The following DAAM1 variants were observed in gnomAD, a reference collection of about 807,000 sequenced individuals.
DAAM1 encodes the protein disheveled-associated activator of morphogenesis 1.
In DAAM1, 52 loss-of-function variants were observed where a neutral mutation model predicts 130.0. That is an observed-to-expected ratio of 0.40 (90% confidence interval 0.32 to 0.50). DAAM1 has a LOEUF of 0.50. Among genes scored for constraint, DAAM1 ranks in the 20% least tolerant of loss-of-function variants. The pLI is 0.61. For synonymous variants in DAAM1, 452 were observed against 444.5 expected, an observed-to-expected ratio of 1.02 and a Z score of -0.21; for missense variants, 1,134 against 1,303.8, an observed-to-expected ratio of 0.87 and a Z score of 2.01.
chr14:59,344,360 T>C (rs1885982045), intron 16 of DAAM1, among the ~76,000 whole-genome samples: 1 of 152,250 alleles, frequency 6.6e-6, no homozygotes, highest in African/African-American at 2.4e-5. Flanking sequence ...TTTTGAATAC[T>C]GTTTTAAGAT....
At chr14:59,327,402 C>CTGTTTTTTTTTTTTTTTTTTTTTTT in intron 12 of DAAM1, among the ~76,000 whole-genome samples, 1 of 58,988 alleles carries the variant, frequency 1.7e-5, no homozygotes, top group African/African-American at 7.7e-5. Flanking sequence ...CACTTGGTTT[C>CTGTTTTTTTTTTTTTTTTTTTTTTT]TTTTTTTTTT....
chr14:59,364,461 C>CTCTA (rs918485869), intron 23 of DAAM1, among the ~76,000 whole-genome samples: 2 of 152,232 alleles, frequency 1.3e-5, no homozygotes, highest in South Asian at 2.1e-4. Flanking sequence ...CCTCACTCCT[C>CTCTA]TCTATCTCAG....
intron 1 of DAAM1, among the ~76,000 whole-genome samples, chr14:59,215,797 T>C (rs1349732498): frequency 1.3e-5 from 2 of 152,172 alleles, no homozygotes; most frequent in Non-Finnish European, 2.9e-5. Context: ...TTACATAAAT[T>C]GATAACTCCA....
chr14:59,328,234 T>C (rs1885283889), intron 12 of DAAM1, among the ~76,000 whole-genome samples: 1 of 152,234 alleles, frequency 6.6e-6, no homozygotes, highest in South Asian at 2.1e-4. Flanking sequence ...ACTACTGTTA[T>C]GTTACGAGTT....
At chr14:59,238,969 A>G (rs1889393988) in intron 1 of DAAM1, among the ~76,000 whole-genome samples, 1 of 152,204 alleles carries the variant, frequency 6.6e-6, no homozygotes, top group Admixed American at 6.5e-5. Context: ...AATATCGAAA[A>G]AAGGACAGCA....
intron 1 of DAAM1, among the ~76,000 whole-genome samples, chr14:59,201,385 G>T (rs1358393162): frequency 1.3e-5 from 2 of 152,112 alleles, no homozygotes; most frequent in Non-Finnish European, 2.9e-5. Flanking sequence ...TAACTTGGGA[G>T]GCTGAGGTGG....
At chr14:59,220,251 T>G (rs554132761) in intron 1 of DAAM1, among the ~76,000 whole-genome samples, 7 of 152,222 alleles carry the variant, frequency 4.6e-5, no homozygotes, top group African/African-American at 1.7e-4. Flanking sequence ...TAATTAAACT[T>G]TAAGCTCCTA....
chr14:59,219,511 T>C (rs1888702603), intron 1 of DAAM1, among the ~76,000 whole-genome samples: 1 of 152,206 alleles, frequency 6.6e-6, no homozygotes, highest in Non-Finnish European at 1.5e-5. Context: ...TTCTTTCCTT[T>C]ATATTATTTA....
chr14:59,364,213 A>G (rs1253036), intron 23 of DAAM1, among the ~76,000 whole-genome samples: 44,717 of 152,132 alleles, frequency 0.29, 7,637 homozygotes, highest in Middle Eastern at 0.48. Context: ...AATTACCTCT[A>G]TGTTGTAATA....
At chr14:59,332,734 G>A (rs574611677) in intron 15 of DAAM1, among the ~76,000 whole-genome samples, 18 of 152,318 alleles carry the variant, frequency 1.2e-4, no homozygotes, top group African/African-American at 4.1e-4. Flanking sequence ...AAAAGGTGGA[G>A]TAGGATCCCA....
Position 59,363,791 on chromosome 14 carries a change from C to T in DAAM1, c.2826+9C>T. ...CAGAAGCTAAAGACCTGGTAAGTTTCCCCCTTGTGCACTGAGTGTTGTTTG... is the reference window on the plus strand; with the variant it reads ...CAGAAGCTAAAGACCTGGTAAGTTTTCCCCTTGTGCACTGAGTGTTGTTTG... On this transcript the variant is annotated intron_variant, in intron 23 of 24. Transcript: ENST00000360909. The T allele has an allele frequency of 6.2e-7, 1 of 1,613,064 alleles. No homozygotes were observed.
chr14:59,207,605 C>T (rs1480389553), intron 1 of DAAM1, among the ~76,000 whole-genome samples: 3 of 152,208 alleles, frequency 2.0e-5, no homozygotes, highest in African/African-American at 7.2e-5. Flanking sequence ...AAATTCTACT[C>T]TATGCTTGTT....
intron 15 of DAAM1, among the ~76,000 whole-genome samples, chr14:59,336,836 ATATGTGTCAGATACC>A (rs746652576): frequency 2.1e-4 from 32 of 152,218 alleles, no homozygotes; most frequent in Non-Finnish European, 4.4e-4. Context: ...GAGCTCATAC[ATATGTGTCAGATACC>A]TATGTGTCAG....
chr14:59,205,882 G>A (rs1594756380), intron 1 of DAAM1, among the ~76,000 whole-genome samples: 2 of 152,168 alleles, frequency 1.3e-5, no homozygotes, highest in South Asian at 2.1e-4. Context: ...TTTCTGTAAA[G>A]GTTCGGGTGG....
At chr14:59,350,865 T>A (rs1886265402) in intron 17 of DAAM1, among the ~76,000 whole-genome samples, 1 of 152,160 alleles carries the variant, frequency 6.6e-6, no homozygotes. Flanking sequence ...TTTTTTTCTC[T>A]TGATGGCACC....
At position 59,276,192 on chromosome 14, in the gene DAAM1, A is replaced by C. The variant is rs113256840; in HGVS notation, c.183+12532A>C. Among the ~76,000 whole-genome samples the C allele has an allele frequency of 2.0e-5, 3 of 152,352 alleles. 1 individual carries two copies. The highest frequency in any genetic ancestry group is 7.2e-5 in the African/African-American group (3 of 41,588). On this transcript the variant is annotated intron_variant, in intron 2 of 24. Coordinates refer to ENST00000360909, the MANE Select transcript of DAAM1 (RefSeq NM_001270520.2). Reference sequence around the variant, plus strand: ...TTCTTTGGCAATTCATGATTCCCAGATGAGATGGTCATTTGCTGTAATGGG... The same window carrying C: ...TTCTTTGGCAATTCATGATTCCCAGCTGAGATGGTCATTTGCTGTAATGGG...
At chr14:59,269,535 T>C (rs1480599384) in intron 2 of DAAM1, among the ~76,000 whole-genome samples, 3 of 152,304 alleles carry the variant, frequency 2.0e-5, no homozygotes, top group Non-Finnish European at 2.9e-5. Context: ...CCGATGAAAG[T>C]TGGGTTCTCC....
intron 12 of DAAM1, 34 bp from the exon 13 acceptor site, chr14:59,330,467 T>G: frequency 6.5e-7 from 1 of 1,537,416 alleles, no homozygotes; most frequent in South Asian, 1.3e-5. Context: ...TTGAAGACTC[T>G]CCTGTTTTCA....
intron 1 of DAAM1, among the ~76,000 whole-genome samples, chr14:59,194,081 T>TA (rs1887813940): frequency 6.6e-6 from 1 of 152,224 alleles, no homozygotes. Flanking sequence ...ACACAGCCTG[T>TA]AAGTGGCAGA....
Sources: allele counts gnomAD v4.1 joint callset (sites outside exome capture counted in the v4.1 genomes callset), GRCh38; gene constraint gnomAD v4.1.1; transcripts MANE v1.5; gene names NCBI Gene and HGNC (gene_info 2026-07-23, HGNC 2026-07-21).